Variants in TMEM150B observed in about 807,000 individuals in gnomAD.
The protein encoded by TMEM150B is modulator of macroautophagy TMEM150B.
A neutral mutation model predicts 25.2 loss-of-function variants in TMEM150B; 33 were observed. That is an observed-to-expected ratio of 1.31 (90% CI 0.99 to 1.75). The LOEUF (loss-of-function observed/expected upper bound fraction) is 1.75, where lower values mean the gene tolerates loss of function less well. Ranked by LOEUF, TMEM150B falls within the 40% of genes most tolerant of loss-of-function variation. The probability of loss-of-function intolerance (pLI) is 0.00; values close to 1 mark genes in which losing one functional copy is unlikely to be tolerated. For missense variants in TMEM150B, 322 were observed against 306.1 expected (o/e 1.05, Z -0.39); for synonymous variants, 133 against 134.8 (o/e 0.99, Z 0.09).
chr19:55,324,455 C>T (rs2089283460), intron 1 of TMEM150B, among the ~76,000 whole-genome samples: 1 of 152,050 alleles, frequency 6.6e-6, no homozygotes, highest in Non-Finnish European at 1.5e-5. Context: ...TGAGACCAGC[C>T]TGGCCAACAT....
At chr19:55,312,149 A>G (rs2088815875), downstream of TMEM150B, 1 of 640,054 alleles carries the variant, frequency 1.6e-6, no homozygotes. Flanking sequence ...AATAAGGCCC[A>G]AGGAACATGT....
intron 2 of TMEM150B, among the ~76,000 whole-genome samples, chr19:55,322,395 G>A (rs1475328368): frequency 2.0e-5 from 3 of 152,088 alleles, no homozygotes; most frequent in Non-Finnish European, 4.4e-5. Flanking sequence ...CACACCTGAA[G>A]AACCAGCCCC....
At position 55,320,633 on chromosome 19, in the gene TMEM150B, G is replaced by A. The variant is rs377412382; in HGVS notation, c.69-16C>T. ...AATGGCAAAACTACGGAGGAAATCA[G>A]AGTGAGTGGGCGACTCTCACCAACA... On this transcript the variant is annotated splice_polypyrimidine_tract_variant and intron_variant, in intron 3 of 7. Transcript: ENST00000326652. 427 of 1,608,006 alleles carry A rather than the reference G, an allele frequency of 2.7e-4. 1 individual carries two copies. Among genetic ancestry groups the A allele is most frequent in the Non-Finnish European group, 3.4e-4 (396 of 1,175,296 alleles).
downstream of TMEM150B, among the ~76,000 whole-genome samples, chr19:55,309,876 T>C (rs2088743500): frequency 6.6e-6 from 1 of 152,172 alleles, no homozygotes; most frequent in Non-Finnish European, 1.5e-5. Context: ...AACAGGGTAC[T>C]GGGCCCCATT....
At chr19:55,321,783 C>A (rs530100462) in intron 2 of TMEM150B, among the ~76,000 whole-genome samples, 53 of 152,170 alleles carry the variant, frequency 3.5e-4, no homozygotes, top group Non-Finnish European at 6.9e-4. Flanking sequence ...TGATGTCCAA[C>A]CTCCCAGCTC....
intron 2 of TMEM150B, 49 bp from the exon 3 acceptor site, chr19:55,321,142 C>G (rs1007400282): frequency 1.2e-5 from 18 of 1,483,766 alleles, no homozygotes; most frequent in Non-Finnish European, 1.6e-5. Context: ...GATTGTGGCC[C>G]CAACCACTAG....
downstream of TMEM150B, among the ~76,000 whole-genome samples, chr19:55,309,468 T>C (rs2123004234): frequency 6.6e-6 from 1 of 152,346 alleles, no homozygotes; most frequent in Middle Eastern, 3.4e-3. Context: ...AATTTATTGC[T>C]GACAATTCTG....
chr19:55,311,782 C>A, downstream of TMEM150B: 1 of 953,998 alleles, frequency 1.0e-6, no homozygotes, highest in Non-Finnish European at 1.5e-6. Context: ...TGGGCCTTAT[C>A]AGGGATTGGA....
In TMEM150B at chr19:55,312,884, G is replaced by A; in HGVS notation, c.677C>T (p.Pro226Leu). Residue 226 changes from proline to leucine, a missense_variant, in exon 8 of 8, where the codon CCC becomes CTC. Coordinates refer to ENST00000326652, the MANE Select transcript of TMEM150B (RefSeq NM_001282011.2). ...WPSLSPPPASPISLPVQL is the reference protein window; with the variant it reads ...WPSLSPPPASLISLPVQL ...CTACAGCTGGACCGGCAGGGAGATGGGGGAGGCCGGCGGGGGGCTGAGGCT... is the reference window on the plus strand; with the variant it reads ...CTACAGCTGGACCGGCAGGGAGATGAGGGAGGCCGGCGGGGGGCTGAGGCT... 6.3e-7 allele frequency: 1 copy of A among 1,597,820 alleles called. No individual in the cohort carries two copies. Among genetic ancestry groups the A allele is most frequent in the Non-Finnish European group, 8.5e-7 (1 of 1,173,360 alleles).
At chr19:55,319,433 C>CTTTTTTTTTTTTTTT (rs1175390458) in intron 6 of TMEM150B, 1 of 46,836 alleles carries the variant, frequency 2.1e-5, no homozygotes, top group Non-Finnish European at 3.5e-5. Context: ...TCTTCTTCTT[C>CTTTTTTTTTTTTTTT]TTTTTTTTTT....
At chr19:55,312,062 G>A (rs987508360), downstream of TMEM150B, 36 of 1,433,556 alleles carry the variant, frequency 2.5e-5, no homozygotes, top group Non-Finnish European at 2.7e-5. Context: ...GGACCCCTCT[G>A]CCCTGACCCC....
At chr19:55,314,539 C>T (rs1036285156) in intron 7 of TMEM150B, among the ~76,000 whole-genome samples, 5 of 152,160 alleles carry the variant, frequency 3.3e-5, no homozygotes, top group Admixed American at 2.6e-4. Flanking sequence ...GGCTCAGGCC[C>T]GTCTTTACAG....
intron 7 of TMEM150B, among the ~76,000 whole-genome samples, chr19:55,313,446 G>C (rs1195257416): frequency 1.5e-5 from 2 of 129,338 alleles, no homozygotes; most frequent in African/African-American, 5.6e-5. Flanking sequence ...CGCCAGCCTC[G>C]GACTGTGTTT....
At chr19:55,312,615 T>G (rs2088835015), downstream of TMEM150B, 1 of 358,100 alleles carries the variant, frequency 2.8e-6, no homozygotes, top group African/African-American at 2.2e-5. Context: ...CCTTGGCCTC[T>G]CGATTCCTGG....
chr19:55,317,432 G>A (rs552308364), intron 6 of TMEM150B, among the ~76,000 whole-genome samples: 1 of 152,200 alleles, frequency 6.6e-6, no homozygotes, highest in East Asian at 1.9e-4. Context: ...ATCACTTTGA[G>A]CTCAGGAGTT....
chr19:55,311,870 T>C (rs912503576), downstream of TMEM150B: 2 of 1,603,034 alleles, frequency 1.2e-6, no homozygotes, highest in East Asian at 2.2e-5. Context: ...ACCCCAACCC[T>C]GGGCTGCGGA....
chr19:55,322,852 T>C, intron 1 of TMEM150B, 109 bp from the exon 2 acceptor site: 1 of 379,732 alleles, frequency 2.6e-6, no homozygotes, highest in Non-Finnish European at 3.6e-6. Flanking sequence ...CCTTAGAACC[T>C]CACAGGCAGC....
chr19:55,324,951 G>A (rs974820592), intron 1 of TMEM150B: 6 of 897,154 alleles, frequency 6.7e-6, no homozygotes, highest in Non-Finnish European at 8.0e-6. Context: ...GGAGGGAGGG[G>A]TCCATGCTAC....
downstream of TMEM150B, chr19:55,312,705 C>T (rs779997193): frequency 1.2e-5 from 9 of 730,846 alleles, no homozygotes; most frequent in Admixed American, 3.5e-5. Context: ...CCCTCCGCGC[C>T]GGCACACAGG....
Sources: gnomAD v4.1 joint callset for allele counts (sites outside exome capture counted in the v4.1 genomes callset) on GRCh38, gnomAD v4.1.1 for gene constraint, MANE v1.5 for transcripts, NCBI Gene and HGNC (gene_info 2026-07-23, HGNC 2026-07-21) for gene names.